The following PABPC4 variants were observed in gnomAD, a reference collection of about 807,000 sequenced individuals.
The protein encoded by PABPC4 is poly(A) binding protein cytoplasmic 4.
PABPC4 carries 15 observed loss-of-function variants against 74.5 expected under a neutral mutation model. The ratio of observed to expected loss-of-function variants is 0.20; its 90% confidence interval spans 0.13 to 0.31. The LOEUF is 0.31. Ranked by LOEUF, PABPC4 falls within the 10% of genes least tolerant of loss-of-function variation. The pLI, the probability that PABPC4 is intolerant of heterozygous loss-of-function variation, is 1.00. For missense variants in PABPC4, 610 were observed against 853.5 expected, an observed-to-expected ratio of 0.71 and a Z score of 3.55; for synonymous variants, 345 against 303.0, an observed-to-expected ratio of 1.14 and a Z score of -1.44.
In PABPC4 at chr1:39,562,197, C is replaced by T; in HGVS notation, c.1769G>A (p.Arg590His). 3 of 1,614,160 alleles carry T rather than the reference C, an allele frequency of 1.9e-6. No homozygotes were observed. Among genetic ancestry groups the T allele is most frequent in the South Asian group, 1.1e-5 (1 of 91,082 alleles). ...PQEQKQMLGE[R>H]LFPLIQTMHS... The stretch of plus-strand genomic sequence containing the variant: ...CATTGTTTGGATGAGTGGGAACAAG[C>T]GTTCTCCTATGGGGAGGATAGTTAA... The change falls in exon 14 of 16, where the codon CGC becomes CAC. Residue 590 changes from arginine (R) to histidine (H), a missense_variant. Physicochemically the swap from Arg to His is conservative, Grantham distance 29. Transcript: ENST00000372858.
intron 13 of PABPC4, 46 bp downstream of exon 13, chr1:39,562,277 T>G (rs1355471335): frequency 6.2e-7 from 1 of 1,610,686 alleles, no homozygotes; most frequent in African/African-American, 1.3e-5. Context: ...CTAGCTGGCA[T>G]CAGGCTCTGG....
Position 39,568,785 on chromosome 1 carries a change from G to A in PABPC4, c.876+17C>T. On this transcript the variant is annotated intron_variant, in intron 6 of 15. Transcript: ENST00000372858. ...CACAGCAAATCCCATTGCTAGGCTG[G>A]GCCAAGACCACCTTACCTGATATCG... The A allele has an allele frequency of 6.2e-7, 1 of 1,609,094 alleles. No individual in the cohort carries two copies. Among genetic ancestry groups the A allele is most frequent in the Non-Finnish European group, 8.5e-7 (1 of 1,178,038 alleles).
intron 1 of PABPC4, chr1:39,573,349 T>C (rs1320498734): frequency 6.6e-6 from 1 of 152,222 alleles, no homozygotes; most frequent in African/African-American, 2.4e-5. Context: ...TCTGCCTAAG[T>C]AGACAGTGCG....
chr1:39,572,457 T>C lies in PABPC4; in HGVS notation c.323A>G (p.Lys108Arg), dbSNP rs140792265. The C allele has an allele frequency of 3.1e-6, 5 of 1,613,994 alleles. No homozygotes were observed. Among genetic ancestry groups the C allele is most frequent in the African/African-American group, 2.7e-5 (2 of 74,922 alleles). ...VGNVFIKNLDKSIDNKALYDT... is the reference protein window; with the variant it reads ...VGNVFIKNLDRSIDNKALYDT... Reference sequence around the variant, plus strand: ...ATAAAGTGCCTTGTTATCTATAGATTTGTCCAGGTTCTTGATGAAGACGTT... The same window carrying C: ...ATAAAGTGCCTTGTTATCTATAGATCTGTCCAGGTTCTTGATGAAGACGTT... Residue 108 changes from lysine to arginine, a missense_variant, in exon 2 of 16, where the codon AAA becomes AGA. Coordinates refer to ENST00000372858, the MANE Select transcript of PABPC4 (RefSeq NM_001135653.2).
At position 39,562,223 on chromosome 1, in the gene PABPC4, TAAAA is replaced by T. The variant is rs747353016; in HGVS notation, c.1763-24_1763-21del. 6.2e-6 allele frequency: 10 copies of T among 1,613,802 alleles called. No homozygotes were observed. In the East Asian group the frequency reaches 2.2e-4, roughly 36 times the overall value. ...GTTCTCCTATGGGGAGGATAGTTAA[TAAAA>T]AAACAAATCAAATCCCAGTAAACAA... On this transcript the variant is annotated intron_variant, in intron 13 of 15. Transcript: ENST00000372858.
At chr1:39,562,586 G>A (rs907584441) in intron 12 of PABPC4, 170 bp from the exon 13 acceptor site, 53 of 579,558 alleles carry the variant, frequency 9.1e-5, no homozygotes, top group Admixed American at 2.9e-4. Context: ...GGGGTGTGTT[G>A]AGGAACAGAG....
intron 10 of PABPC4, 64 bp from the exon 11 acceptor site, chr1:39,563,986 G>C (rs927549080): frequency 2.0e-6 from 3 of 1,480,722 alleles, no homozygotes; most frequent in East Asian, 2.3e-5. Flanking sequence ...CACGTCCCAC[G>C]GAAGGAGAAA....
rs575424657 is a variant in PABPC4 at position 39,570,079 on chromosome 1, T to C, written c.504-77A>G. 1.8e-3 allele frequency: 2,548 copies of C among 1,423,604 alleles called. 3 individuals carry two copies. The highest frequency in any genetic ancestry group is 2.9e-3 in the Middle Eastern group (16 of 5,550). The allele number at this position is 1,423,604 out of a possible 1,614,324, so 88.2% of individuals were successfully genotyped here. A position where few individuals can be genotyped will look rare whatever the true frequency, so the allele number is the denominator to read the frequency against. On this transcript the variant is annotated intron_variant, in intron 3 of 15. Coordinates refer to ENST00000372858, the MANE Select transcript of PABPC4 (RefSeq NM_001135653.2). ...GTCCAGGGACCCAAAGGAATACAGG[T>C]TAAAGACTGACAGGAGAGGTTAAAA...
intron 2 of PABPC4, 63 bp downstream of exon 2, chr1:39,572,330 G>GTATTTATCTTGTTTTCAAGAATCAA: frequency 8.2e-7 from 1 of 1,212,840 alleles, no homozygotes; most frequent in Non-Finnish European, 1.2e-6. Flanking sequence ...TCTCTGTTTG[G>GTATTTATCTTGTTTTCAAGAATCAA]TATTTATCTT....
rs767120558 is a variant in PABPC4 at position 39,572,458 on chromosome 1, T to C, written c.322A>G (p.Lys108Glu). The change falls in exon 2 of 16, where the codon AAA (lysine) becomes GAA (glutamate). Residue 108 changes from lysine to glutamate, a missense_variant. Physicochemically the swap from Lys to Glu is moderately conservative, Grantham distance 56 (BLOSUM62 1). Coordinates refer to ENST00000372858, the MANE Select transcript of PABPC4 (RefSeq NM_001135653.2). ...TAAAGTGCCTTGTTATCTATAGATT[T>C]GTCCAGGTTCTTGATGAAGACGTTT... Reference protein sequence around the residue: ...VGNVFIKNLDKSIDNKALYDT... With the variant: ...VGNVFIKNLDESIDNKALYDT... 1 of 1,614,174 alleles carries C rather than the reference T, an allele frequency of 6.2e-7. No individual in the cohort carries two copies. The highest frequency in any genetic ancestry group is 8.5e-7 in the Non-Finnish European group (1 of 1,179,982).
intron 7 of PABPC4, among the ~76,000 whole-genome samples, chr1:39,566,616 T>C (rs1055387324): frequency 2.6e-5 from 4 of 152,204 alleles, no homozygotes; most frequent in African/African-American, 7.2e-5. Flanking sequence ...AAGTGGAGGA[T>C]AGGGAAGTAA....
intron 12 of PABPC4, chr1:39,563,356 A>G: frequency 2.2e-6 from 1 of 444,744 alleles, no homozygotes; most frequent in South Asian, 3.2e-5. Flanking sequence ...TGAGCACATT[A>G]TTTCGTACAA....
intron 12 of PABPC4, chr1:39,563,263 A>G: frequency 4.3e-6 from 1 of 235,172 alleles, no homozygotes. Context: ...TTCCTGCATT[A>G]ATGTACCAAT....
At chr1:39,566,852 T>TA (rs1645852165) in intron 7 of PABPC4, among the ~76,000 whole-genome samples, 1 of 151,788 alleles carries the variant, frequency 6.6e-6, no homozygotes, top group African/African-American at 2.4e-5. Flanking sequence ...AACGAAAGGG[T>TA]AAGAACTGGG....
chr1:39,570,048 C>T (rs1645915722), intron 3 of PABPC4, 46 bp from the exon 4 acceptor site: 1 of 1,586,978 alleles, frequency 6.3e-7, no homozygotes, highest in East Asian at 2.2e-5. Flanking sequence ...AGGAATAAAA[C>T]ATGATGTCCA....
intron 7 of PABPC4, 31 bp from the exon 8 acceptor site, chr1:39,565,409 A>T: frequency 1.9e-6 from 3 of 1,589,570 alleles, no homozygotes; most frequent in Middle Eastern, 1.7e-4. Flanking sequence ...CTTAAGAAAT[A>T]AGGTGTCCCT....
rs61743745 is a variant in PABPC4 at position 39,571,272 on chromosome 1, G to A, written c.465C>T (p.Ile155=). ...FETQEAADKA[I]EKMNGMLLND... ...TGAGGAGCATGCCATTCATCTTCTC[G>A]ATGGCCTTGTCGGCAGCCTCTTGGG... The change falls in exon 3 of 16, where the codon ATC becomes ATT. Residue 155 remains isoleucine (I), a synonymous_variant. Coordinates refer to ENST00000372858, the MANE Select transcript of PABPC4 (RefSeq NM_001135653.2). 0.025 allele frequency: 40,844 copies of A among 1,614,176 alleles called. 615 individuals are homozygous for A. Among genetic ancestry groups the A allele is most frequent in the Non-Finnish European group, 0.029 (34,159 of 1,180,022 alleles).
chr1:39,572,275 G>T, intron 2 of PABPC4, 118 bp downstream of exon 2: 1 of 787,520 alleles, frequency 1.3e-6, no homozygotes, highest in Non-Finnish European at 2.0e-6. Flanking sequence ...TCCATGTCCA[G>T]CATTTTGAAA....
At chr1:39,569,349 T>C in intron 5 of PABPC4, 1 of 544,726 alleles carries the variant, frequency 1.8e-6, no homozygotes, top group East Asian at 2.9e-5. Context: ...CTTTGCAGCA[T>C]AACAAACGTC....
Sources: gnomAD v4.1 joint callset for allele counts (sites outside exome capture counted in the v4.1 genomes callset) on GRCh38, gnomAD v4.1.1 for gene constraint, MANE v1.5 for transcripts, NCBI Gene and HGNC (gene_info 2026-07-23, HGNC 2026-07-21) for gene names.